Variants in TLN2 observed in about 807,000 individuals in gnomAD.
The protein encoded by TLN2 is talin 2, also known as talin-2.
A neutral mutation model predicts 294.7 loss-of-function variants in TLN2; 118 were observed. The ratio of observed to expected loss-of-function variants is 0.40; its 90% CI spans 0.34 to 0.47. The LOEUF is 0.47. TLN2 is among the 20% of genes least tolerant of loss of function. TLN2 has a pLI of 0.84. For missense variants in TLN2, 3,083 were observed against 3,282.2 expected, an observed-to-expected ratio of 0.94 and a Z score of 1.48; for synonymous variants, 1,431 against 1,304.5, an observed-to-expected ratio of 1.10 and a Z score of -2.09.
chr15:62,549,119 T>C (rs1177329341), intron 1 of TLN2, among the ~76,000 whole-genome samples: 5 of 152,132 alleles, frequency 3.3e-5, no homozygotes, highest in African/African-American at 9.7e-5. Context: ...TAGCTGCCTT[T>C]AATTGAGACC....
At chr15:62,529,073 G>A (rs1288765416) in intron 1 of TLN2, among the ~76,000 whole-genome samples, 1 of 151,520 alleles carries the variant, frequency 6.6e-6, no homozygotes, top group Non-Finnish European at 1.5e-5. Flanking sequence ...AATTACTGAG[G>A]CTAAAGTAAC....
chr15:62,461,963 G>A (rs575770037), intron 1 of TLN2, among the ~76,000 whole-genome samples: 2 of 152,226 alleles, frequency 1.3e-5, no homozygotes, highest in Non-Finnish European at 2.9e-5. Context: ...TAGGCTGGGC[G>A]TGGTGGCTCA....
chr15:62,690,712 G>A (rs1185887072), intron 12 of TLN2, among the ~76,000 whole-genome samples: 1 of 149,196 alleles, frequency 6.7e-6, no homozygotes, highest in Non-Finnish European at 1.5e-5. Flanking sequence ...CTGCACTCCA[G>A]CCTCGGCACC....
chr15:62,701,948 A>G (rs1595716292), intron 17 of TLN2, 44 bp from the exon 18 acceptor site: 1 of 1,606,288 alleles, frequency 6.2e-7, no homozygotes, highest in Non-Finnish European at 8.5e-7. Context: ...TCTCACCAGA[A>G]CCATGTGCCC....
At chr15:62,436,547 G>A (rs2035295689) in intron 1 of TLN2, among the ~76,000 whole-genome samples, 1 of 152,172 alleles carries the variant, frequency 6.6e-6, no homozygotes, top group South Asian at 2.1e-4. Flanking sequence ...AGCTGCCTAG[G>A]GAAAGCCTTG....
rs572685050 is a variant in TLN2 at position 62,450,188 on chromosome 15, T to TA, written c.-238+59504dup. 1.9e-4 allele frequency among the ~76,000 whole-genome samples: 29 copies of TA among 152,258 alleles called. 1 individual carries two copies. In the South Asian group the frequency reaches 6.0e-3, roughly 32 times the overall value. On this transcript the variant is annotated intron_variant, in intron 1 of 58. Transcript: ENST00000636159. ...GTCTTCACCTTGTGGCTTTTACTCATACTCCTTGCCTGAAACGTTCTTCTC... is the reference window on the plus strand; with the variant it reads ...GTCTTCACCTTGTGGCTTTTACTCATAACTCCTTGCCTGAAACGTTCTTCTC...
intron 45 of TLN2, 112 bp from the exon 46 acceptor site, chr15:62,792,529 A>T: frequency 7.0e-7 from 1 of 1,432,326 alleles, no homozygotes; most frequent in Non-Finnish European, 9.3e-7. Context: ...TAGGAGTGGA[A>T]TTTTCCTAGC....
intron 35 of TLN2, among the ~76,000 whole-genome samples, chr15:62,753,200 T>C (rs1450935951): frequency 6.6e-6 from 1 of 152,162 alleles, no homozygotes; most frequent in African/African-American, 2.4e-5. Context: ...ATGCTGCCTT[T>C]TTTGTTGTTT....
At chr15:62,672,851 ATTGTTTTTCAG>A (rs2055594869) in intron 9 of TLN2, among the ~76,000 whole-genome samples, 1 of 152,138 alleles carries the variant, frequency 6.6e-6, no homozygotes, top group African/African-American at 2.4e-5. Flanking sequence ...ATAGCTAGAA[ATTGTTTTTCAG>A]GAAAAGAAAA....
At chr15:62,750,074 G>A (rs577039407) in intron 33 of TLN2, among the ~76,000 whole-genome samples, 106 of 152,230 alleles carry the variant, frequency 7.0e-4, no homozygotes, top group African/African-American at 2.5e-3. Flanking sequence ...AATTGACCAC[G>A]CATGTATTGC....
rs201636287 is a variant in TLN2, at chr15:62,514,136, G to GT, written c.-237-75549dup. On this transcript the variant is annotated intron_variant, in intron 1 of 58. Coordinates refer to ENST00000636159, the MANE Select transcript of TLN2 (RefSeq NM_015059.3). ...GCTTTACTTTGGTCACCAGTTGCTT[G>GT]TTGGCTACTAGCCTAGTATGCGAAC... 9.7e-3 allele frequency among the ~76,000 whole-genome samples: 1,474 copies of GT among 152,322 alleles called. 31 individuals are homozygous for GT. Among genetic ancestry groups the GT allele is most frequent in the African/African-American group, 0.034 (1,410 of 41,568 alleles).
At chr15:62,773,668 A>G (rs1463040376) in intron 42 of TLN2, among the ~76,000 whole-genome samples, 1 of 152,192 alleles carries the variant, frequency 6.6e-6, no homozygotes, top group Non-Finnish European at 1.5e-5. Flanking sequence ...AGGTTTGTCA[A>G]ATAGTTATGG....
chr15:62,596,264 CAAAA>C (rs71129015), intron 2 of TLN2, among the ~76,000 whole-genome samples: 9 of 81,684 alleles, frequency 1.1e-4, no homozygotes, highest in Non-Finnish European at 1.9e-4. Context: ...GACTCCATCT[CAAAA>C]AAAAAAAAAA....
chr15:62,576,595 ATTTTTTTT>A (rs3055751), intron 1 of TLN2, among the ~76,000 whole-genome samples: 1 of 103,050 alleles, frequency 9.7e-6, no homozygotes, highest in East Asian at 2.9e-4. Flanking sequence ...ATTGCTCTGT[ATTTTTTTT>A]TTTTTTTTTT....
chr15:62,504,709 A>G (rs1292661583), intron 1 of TLN2, among the ~76,000 whole-genome samples: 1 of 152,182 alleles, frequency 6.6e-6, no homozygotes, highest in Non-Finnish European at 1.5e-5. Flanking sequence ...TAAAACTTCC[A>G]GTAGTTCCAT....
intron 42 of TLN2, among the ~76,000 whole-genome samples, chr15:62,774,785 CT>C (rs2063581628): frequency 6.6e-6 from 1 of 152,072 alleles, no homozygotes; most frequent in African/African-American, 2.4e-5. Context: ...GACAAGTGTC[CT>C]TTAAATTGTT....
intron 1 of TLN2, among the ~76,000 whole-genome samples, chr15:62,422,024 G>T (rs1321499015): frequency 2.0e-5 from 3 of 151,830 alleles, no homozygotes; most frequent in Admixed American, 6.6e-5. Context: ...ACTTTGGGAG[G>T]CCGAGGCAGG....
rs137995567 is a variant in TLN2 at position 62,505,532 on chromosome 15, C to G, written c.-237-84155C>G. ...CTGCCCACTGGAGCCCACCTGCCCT[C>G]TAATTGGGGTCTGCAGGCGTACATC... On this transcript the variant is annotated intron_variant, in intron 1 of 58. Transcript: ENST00000636159. 2.9e-3 allele frequency among the ~76,000 whole-genome samples: 449 copies of G among 152,288 alleles called. 4 individuals are homozygous for G. The highest frequency in any genetic ancestry group is 0.01 in the African/African-American group (425 of 41,552).
chr15:62,783,511 A>G (rs1397126143), intron 44 of TLN2, among the ~76,000 whole-genome samples: 1 of 152,208 alleles, frequency 6.6e-6, no homozygotes, highest in Non-Finnish European at 1.5e-5. Context: ...GCATGTGCCC[A>G]CTGGGCCCGG....
Sources: allele counts gnomAD v4.1 joint callset (sites outside exome capture counted in the v4.1 genomes callset), GRCh38; gene constraint gnomAD v4.1.1; transcripts MANE v1.5; gene names NCBI Gene and HGNC (gene_info 2026-07-23, HGNC 2026-07-21).